The following CSMD3 variants were observed in gnomAD, a reference collection of about 807,000 sequenced individuals.
CSMD3 encodes CUB and Sushi multiple domains 3.
Under a neutral mutation model 435.2 loss-of-function variants are expected in CSMD3, and 177 were observed. That is an observed-to-expected ratio of 0.41 (90% CI 0.36 to 0.46). CSMD3 has a LOEUF of 0.46. CSMD3 is among the 20% of genes least tolerant of loss of function. The probability of loss-of-function intolerance (pLI) is 0.34; values close to 1 mark genes in which losing one functional copy is unlikely to be tolerated. For missense variants in CSMD3, 4,265 were observed against 4,504.6 expected, an observed-to-expected ratio of 0.95 and a Z score of 1.52; for synonymous variants, 1,656 against 1,520.5, an observed-to-expected ratio of 1.09 and a Z score of -2.07.
intron 52 of CSMD3, among the ~76,000 whole-genome samples, chr8:112,304,001 C>A (rs901756222): frequency 6.6e-6 from 1 of 152,008 alleles, no homozygotes. Flanking sequence ...AAAGGGAGTT[C>A]AAGATATTTC....
chr8:113,368,381 A>G (rs1213981888), intron 1 of CSMD3, among the ~76,000 whole-genome samples: 1 of 152,136 alleles, frequency 6.6e-6, no homozygotes, highest in Non-Finnish European at 1.5e-5. Context: ...TAGACTTATC[A>G]CTGGTCTTCA....
At chr8:113,412,884 C>T (rs770297095) in intron 1 of CSMD3, among the ~76,000 whole-genome samples, 2 of 152,128 alleles carry the variant, frequency 1.3e-5, no homozygotes, top group African/African-American at 4.8e-5. Context: ...GACCTCCATG[C>T]CTGGCCAGGT....
At position 112,987,516 on chromosome 8, in the gene CSMD3, G is replaced by T. The variant is rs558535977; in HGVS notation, c.1031-11368C>A. Among the ~76,000 whole-genome samples the T allele has an allele frequency of 2.6e-5, 4 of 152,164 alleles. No homozygotes were observed. In the South Asian group the frequency reaches 8.3e-4, roughly 32 times the overall value. On this transcript the variant is annotated intron_variant, in intron 6 of 70. Transcript: ENST00000297405. ...TAATTTATTCATTTAATCCTTAAAGGTAACCTATGAGCTAATAATGATAAA... is the reference window on the plus strand; with the variant it reads ...TAATTTATTCATTTAATCCTTAAAGTTAACCTATGAGCTAATAATGATAAA...
At chr8:113,331,480 A>T (rs1440666522) in intron 1 of CSMD3, among the ~76,000 whole-genome samples, 3 of 151,764 alleles carry the variant, frequency 2.0e-5, no homozygotes, top group African/African-American at 7.2e-5. Context: ...ACAATGCGAG[A>T]TAAAAATTCC....
chr8:112,804,449 C>A (rs896853049), intron 12 of CSMD3, among the ~76,000 whole-genome samples: 1 of 152,028 alleles, frequency 6.6e-6, no homozygotes, highest in African/African-American at 2.4e-5. Flanking sequence ...TGCCATACTG[C>A]GAGAAGCCAG....
intron 5 of CSMD3, among the ~76,000 whole-genome samples, chr8:113,095,041 A>G (rs2090121709): frequency 6.6e-6 from 1 of 152,060 alleles, no homozygotes; most frequent in South Asian, 2.1e-4. Context: ...ACTGCACTCC[A>G]GCCTGGGTGA....
chr8:113,068,991 T>C (rs962671281), intron 5 of CSMD3, among the ~76,000 whole-genome samples: 1 of 151,432 alleles, frequency 6.6e-6, no homozygotes, highest in Non-Finnish European at 1.5e-5. Context: ...AAGGAAACAG[T>C]TACTAGGGAG....
intron 4 of CSMD3, among the ~76,000 whole-genome samples, chr8:113,142,271 T>C (rs934145661): frequency 6.6e-6 from 1 of 151,228 alleles, no homozygotes; most frequent in Admixed American, 6.6e-5. Flanking sequence ...ACAAACTTAA[T>C]CTAAAATTTA....
intron 13 of CSMD3, among the ~76,000 whole-genome samples, chr8:112,743,761 C>A (rs2077367427): frequency 6.6e-6 from 1 of 151,774 alleles, no homozygotes; most frequent in African/African-American, 2.4e-5. Context: ...TTACCATGTG[C>A]TTTTTCTTTT....
At chr8:112,952,203 G>C (rs1246926308) in intron 8 of CSMD3, among the ~76,000 whole-genome samples, 3 of 150,424 alleles carry the variant, frequency 2.0e-5, no homozygotes, top group Non-Finnish European at 3.0e-5. Flanking sequence ...CTCTGCCCAT[G>C]AACACTACTG....
chr8:112,491,587 T>C (rs898416950), intron 31 of CSMD3, among the ~76,000 whole-genome samples: 1 of 151,978 alleles, frequency 6.6e-6, no homozygotes, highest in Non-Finnish European at 1.5e-5. Context: ...GAGGTGGAGT[T>C]GCAGTGAGCC....
chr8:112,296,063 T>A, intron 53 of CSMD3, 57 bp from the exon 54 acceptor site: 36 of 1,340,548 alleles, frequency 2.7e-5, no homozygotes, highest in South Asian at 3.6e-5. Context: ...ATTTGTATAT[T>A]TATATACATG....
intron 18 of CSMD3, among the ~76,000 whole-genome samples, chr8:112,654,104 T>C (rs1159375643): frequency 6.6e-6 from 1 of 152,202 alleles, no homozygotes; most frequent in African/African-American, 2.4e-5. Flanking sequence ...CTATAGGATT[T>C]TGGTTGCCTG....
In CSMD3 at chr8:112,981,803, A is replaced by G. The variant is rs1319307032; in HGVS notation, c.1031-5655T>C. Among the ~76,000 whole-genome samples, 4 of 151,728 alleles carry G rather than the reference A, an allele frequency of 2.6e-5. No homozygotes were observed. In the Admixed American group the frequency reaches 2.6e-4, roughly 10 times the overall value. ...ACACACATGCCAAGCAACCATAAAT[A>G]CCTTTTTATATGAAATATGGAAATA... On this transcript the variant is annotated intron_variant, in intron 6 of 70. Transcript: ENST00000297405.
intron 3 of CSMD3, among the ~76,000 whole-genome samples, chr8:113,239,032 A>G (rs775034576): frequency 6.6e-6 from 1 of 152,108 alleles, no homozygotes. Context: ...TCTGTTGAAC[A>G]CTCAAATATA....
intron 13 of CSMD3, among the ~76,000 whole-genome samples, chr8:112,793,138 A>T (rs2078733083): frequency 6.8e-6 from 1 of 147,736 alleles, no homozygotes; most frequent in Admixed American, 6.8e-5. Flanking sequence ...TATTAATTTA[A>T]TATATTACAT....
intron 30 of CSMD3, among the ~76,000 whole-genome samples, chr8:112,498,422 G>T (rs1285057276): frequency 2.0e-5 from 3 of 152,034 alleles, no homozygotes; most frequent in Admixed American, 1.3e-4. Context: ...GGGGAAATAG[G>T]GAGGGACATA....
chr8:112,613,483 C>T (rs913087629), intron 22 of CSMD3, among the ~76,000 whole-genome samples: 25 of 152,038 alleles, frequency 1.6e-4, no homozygotes, highest in Non-Finnish European at 2.8e-4. Context: ...ATGTAAATAA[C>T]TCAATAAAAA....
Position 112,852,702 on chromosome 8 carries a change from C to T in CSMD3, c.1755+6443G>A, listed in dbSNP as rs541496450. 2.6e-5 allele frequency among the ~76,000 whole-genome samples: 4 copies of T among 152,034 alleles called. No homozygotes were observed. The South Asian group carries it at 6.2e-4, about 24-fold the overall frequency. On this transcript the variant is annotated intron_variant, in intron 11 of 70. Transcript: ENST00000297405. ...CTTTGGGAGGCCGAGGTGGGTGGAT[C>T]GCGAGGTCAGGAGATTGAGACCATC...
Sources: gnomAD v4.1 joint callset for allele counts (sites outside exome capture counted in the v4.1 genomes callset) on GRCh38, gnomAD v4.1.1 for gene constraint, MANE v1.5 for transcripts, NCBI Gene and HGNC (gene_info 2026-07-23, HGNC 2026-07-21) for gene names.